The following MAGI1 variants were observed in gnomAD, a reference collection of about 807,000 sequenced individuals.
MAGI1 encodes the protein membrane associated guanylate kinase, WW and PDZ domain containing 1.
Under a neutral mutation model 139.9 loss-of-function variants are expected in MAGI1, and 58 were observed. The ratio of observed to expected loss-of-function variants is 0.41; its 90% CI spans 0.34 to 0.52. MAGI1 has a LOEUF of 0.52. Ranked by LOEUF, MAGI1 falls within the 20% of genes least tolerant of loss-of-function variation. The probability of loss-of-function intolerance (pLI) is 0.12; values close to 1 mark genes in which losing one functional copy is unlikely to be tolerated. For missense variants in MAGI1, 1,874 were observed against 1,901.6 expected (o/e 0.99, Z 0.27); for synonymous variants, 812 against 737.9 (o/e 1.10, Z -1.63).
intron 1 of MAGI1, among the ~76,000 whole-genome samples, chr3:65,624,702 T>C (rs937021772): frequency 2.0e-5 from 3 of 152,268 alleles, no homozygotes; most frequent in Non-Finnish European, 2.9e-5. Context: ...GTCTTCCCCA[T>C]TGGAAATTGA....
chr3:65,370,936 C>T (rs1438748293), intron 18 of MAGI1, among the ~76,000 whole-genome samples: 4 of 152,350 alleles, frequency 2.6e-5, no homozygotes, highest in East Asian at 1.9e-4. Flanking sequence ...GGATTACAGG[C>T]GTGTGCCACT....
At chr3:65,883,961 C>A (rs562121314) in intron 1 of MAGI1, among the ~76,000 whole-genome samples, 2 of 152,186 alleles carry the variant, frequency 1.3e-5, no homozygotes, top group Admixed American at 1.3e-4. Flanking sequence ...GAAAAGAATT[C>A]TTTCTGAATC....
At chr3:65,456,133 A>G (rs1352620481) in intron 5 of MAGI1, among the ~76,000 whole-genome samples, 2 of 152,260 alleles carry the variant, frequency 1.3e-5, no homozygotes, top group Non-Finnish European at 2.9e-5. Flanking sequence ...GCAATGGATG[A>G]GAGATCCAGT....
At chr3:65,979,758 T>C (rs368127623) in intron 1 of MAGI1, among the ~76,000 whole-genome samples, 11 of 152,320 alleles carry the variant, frequency 7.2e-5, no homozygotes, top group South Asian at 2.1e-4. Context: ...TAGGTGTTAA[T>C]AGGACATGCC....
At chr3:65,370,225 G>A (rs995356113) in intron 18 of MAGI1, among the ~76,000 whole-genome samples, 1 of 152,054 alleles carries the variant, frequency 6.6e-6, no homozygotes, top group Non-Finnish European at 1.5e-5. Context: ...CCGAGATCAT[G>A]CCACTGCACT....
Position 65,364,705 on chromosome 3 carries a change from T to G in MAGI1, c.3311A>C (p.Gln1104Pro), listed in dbSNP as rs937633194. ...QETRNTTKPKQESQFEFKAPQ... is the reference protein window; with the variant it reads ...QETRNTTKPKPESQFEFKAPQ... ...TGCTTTGAACTCAAATTGAGATTCCTGCTTTGGTTTGGTGGTATTCCTGCC... is the reference window on the plus strand; with the variant it reads ...TGCTTTGAACTCAAATTGAGATTCCGGCTTTGGTTTGGTGGTATTCCTGCC... The change falls in exon 20 of 23, where the codon CAG (glutamine) becomes CCG (proline). Residue 1104 changes from glutamine to proline, a missense_variant. Gln to Pro is a moderately conservative substitution (Grantham distance 76, BLOSUM62 -1). Transcript: ENST00000402939. 1.2e-6 allele frequency: 2 copies of G among 1,614,152 alleles called. No individual in the cohort carries two copies. The highest frequency in any genetic ancestry group is 8.5e-7 in the Non-Finnish European group (1 of 1,179,978).
intron 1 of MAGI1, among the ~76,000 whole-genome samples, chr3:65,959,897 C>A (rs1323577887): frequency 1.3e-5 from 2 of 149,234 alleles, no homozygotes; most frequent in Non-Finnish European, 3.0e-5. Context: ...GCTCCACCTC[C>A]CGGGTTCACA....
At chr3:65,606,285 C>A (rs1458716620) in intron 2 of MAGI1, among the ~76,000 whole-genome samples, 1 of 152,110 alleles carries the variant, frequency 6.6e-6, no homozygotes, top group Non-Finnish European at 1.5e-5. Context: ...CTGCACCGTG[C>A]CTCTCAGTGC....
At chr3:65,824,661 G>T (rs2042129622) in intron 1 of MAGI1, among the ~76,000 whole-genome samples, 1 of 152,154 alleles carries the variant, frequency 6.6e-6, no homozygotes, top group Admixed American at 6.6e-5. Context: ...AGACACAGTA[G>T]CCCTCCATTC....
At chr3:65,490,016 T>C (rs1951892228) in intron 3 of MAGI1, among the ~76,000 whole-genome samples, 1 of 152,186 alleles carries the variant, frequency 6.6e-6, no homozygotes, top group Admixed American at 6.6e-5. Context: ...GGAAAAAAGA[T>C]GGTGAGTACC....
At position 65,355,190 on chromosome 3, in the gene MAGI1, G is replaced by C. The variant is rs1940146489; in HGVS notation, c.*1188C>G. The C allele has an allele frequency of 6.6e-6, 1 of 152,272 alleles. No homozygotes were observed. Among genetic ancestry groups the C allele is most frequent in the Non-Finnish European group, 1.5e-5 (1 of 68,048 alleles). The allele number at this position is 152,272 out of a possible 1,614,324, so 9.4% of individuals were successfully genotyped here. A position where few individuals can be genotyped will look rare whatever the true frequency, so the allele number is the denominator to read the frequency against. On this transcript the variant is annotated 3_prime_UTR_variant, in exon 23 of 23. Coordinates refer to ENST00000402939, the MANE Select transcript of MAGI1 (RefSeq NM_001033057.2). ...TTATGTTTTGTGCTGCTGTCCAAAG[G>C]ACTCAAAGGACAGAGTCATGAGGCA... is the stretch of plus-strand genomic sequence containing the variant.
chr3:65,956,412 T>C (rs2064130094), intron 1 of MAGI1, among the ~76,000 whole-genome samples: 1 of 152,156 alleles, frequency 6.6e-6, no homozygotes, highest in Non-Finnish European at 1.5e-5. Context: ...TGAGATTCTG[T>C]AGGGTGAAGT....
intron 1 of MAGI1, among the ~76,000 whole-genome samples, chr3:65,796,364 T>C (rs556181579): frequency 4.6e-5 from 7 of 152,238 alleles, no homozygotes; most frequent in Admixed American, 1.3e-4. Flanking sequence ...GTTATTCTTA[T>C]CTAAAGAATA....
At chr3:65,396,609 T>C (rs973143019) in intron 13 of MAGI1, among the ~76,000 whole-genome samples, 1 of 152,208 alleles carries the variant, frequency 6.6e-6, no homozygotes. Context: ...AGACAGCACT[T>C]AGGAGCTTAA....
At position 65,794,860 on chromosome 3, in the gene MAGI1, A is replaced by C. The variant is rs377196232; in HGVS notation, c.314-172772T>G. Among the ~76,000 whole-genome samples the C allele has an allele frequency of 2.5e-3, 359 of 141,882 alleles. 3 individuals carry two copies. The highest frequency in any genetic ancestry group is 0.019 in the Middle Eastern group (5 of 270). 93.1% of individuals were successfully genotyped at this position (141,882 alleles called of 152,430 possible). A position where few individuals can be genotyped will look rare whatever the true frequency, so the allele number is the denominator to read the frequency against. On this transcript the variant is annotated intron_variant, in intron 1 of 22. Transcript: ENST00000402939. ...CCTCATCAGGAAAAAAAAAAAAAAA[A>C]CCCACAAACTATCCGGGTATAAGAT...
At chr3:65,381,217 T>C (rs918100299) in intron 16 of MAGI1, among the ~76,000 whole-genome samples, 2 of 152,114 alleles carry the variant, frequency 1.3e-5, no homozygotes, top group Admixed American at 6.5e-5. Flanking sequence ...CAGTAAACCA[T>C]GAGTCACTAG....
chr3:65,638,597 ATT>A (rs1173086138), intron 1 of MAGI1, among the ~76,000 whole-genome samples: 4,975 of 39,698 alleles, frequency 0.13, 52 homozygotes, highest in Non-Finnish European at 0.16. Context: ...TGCTCTCCTG[ATT>A]TTTTTTTTTT....
intron 1 of MAGI1, among the ~76,000 whole-genome samples, chr3:65,629,869 C>T (rs1376655359): frequency 2.6e-5 from 4 of 151,916 alleles, no homozygotes; most frequent in African/African-American, 9.7e-5. Context: ...GTGACGGATG[C>T]ACAACAATAT....
intron 2 of MAGI1, among the ~76,000 whole-genome samples, chr3:65,520,142 G>C (rs1037893904): frequency 3.3e-5 from 5 of 152,162 alleles, no homozygotes; most frequent in African/African-American, 9.7e-5. Flanking sequence ...TACTCTTCCT[G>C]AAACAGACAC....
Sources: gnomAD v4.1 joint callset for allele counts (sites outside exome capture counted in the v4.1 genomes callset) on GRCh38, gnomAD v4.1.1 for gene constraint, MANE v1.5 for transcripts, NCBI Gene and HGNC (gene_info 2026-07-23, HGNC 2026-07-21) for gene names.